OR52I2: variants seen among roughly 807,000 people sequenced by gnomAD.
The protein encoded by OR52I2 is olfactory receptor 52I2.
For synonymous variants in OR52I2, 147 were observed against 151.9 expected, an observed-to-expected ratio of 0.97 and a Z score of 0.24; for missense variants, 350 against 402.4, an observed-to-expected ratio of 0.87 and a Z score of 1.11.
At chr11:4,589,869 T>C (rs1714809260) in exon 2 of OR52I2, 1 of 152,222 alleles carries the variant, frequency 6.6e-6, no homozygotes, top group Admixed American at 6.5e-5. Flanking sequence ...TTGAATTATG[T>C]ATTCCTCACT....
exon 2 of OR52I2, chr11:4,592,660 C>A (rs1009141848): frequency 2.0e-5 from 3 of 152,124 alleles, no homozygotes; most frequent in Non-Finnish European, 2.9e-5. Context: ...GAGAGAGTAA[C>A]TAAACAGCTA....
In OR52I2 at chr11:4,590,683, G is replaced by A. The variant is rs376306020; in HGVS notation, c.*2818G>A. ...GGCTGTTTGGATTCTCAAGCTTTATGCAGCCCTTTATGCAATAATGCACAA... is the reference window on the plus strand; with the variant it reads ...GGCTGTTTGGATTCTCAAGCTTTATACAGCCCTTTATGCAATAATGCACAA... On this transcript the variant is annotated 3_prime_UTR_variant, in exon 2 of 2. Transcript: ENST00000641896. 4 of 152,282 alleles carry A rather than the reference G, an allele frequency of 2.6e-5. 1 individual carries two copies. The highest frequency in any genetic ancestry group is 9.6e-5 in the African/African-American group (4 of 41,566). The allele number at this position is 152,282 out of a possible 1,614,324, so 9.4% of individuals were successfully genotyped here.
At chr11:4,591,392 T>C (rs1010477580) in exon 2 of OR52I2, 1 of 152,076 alleles carries the variant, frequency 6.6e-6, no homozygotes, top group Non-Finnish European at 1.5e-5. Flanking sequence ...GCTTGGCAAA[T>C]GAGCACCTTT....
exon 2 of OR52I2, chr11:4,592,335 T>G (rs1034952858): frequency 4.6e-5 from 7 of 152,036 alleles, no homozygotes; most frequent in African/African-American, 1.7e-4. Context: ...AGCGATAGAG[T>G]AGGGTTTTCA....
chr11:4,590,312 G>A (rs1846341388), exon 2 of OR52I2: 1 of 152,176 alleles, frequency 6.6e-6, no homozygotes, highest in Admixed American at 6.5e-5. Flanking sequence ...AAGAGTTACT[G>A]GACTGGCAAC....
chr11:4,584,987 C>T (rs1431560871), intron 1 of OR52I2, among the ~76,000 whole-genome samples: 1 of 152,204 alleles, frequency 6.6e-6, no homozygotes, highest in Non-Finnish European at 1.5e-5. Flanking sequence ...AAGCACCATG[C>T]ATCATGCTAA....
At chr11:4,586,760 G>T in intron 1 of OR52I2, 112 bp from the exon 2 acceptor site, 2 of 1,490,494 alleles carry the variant, frequency 1.3e-6, no homozygotes, top group South Asian at 1.2e-5. Context: ...CCACATTTTT[G>T]ATCCTGAGAT....
chr11:4,587,059 T>C (rs763065318), exon 2 of OR52I2: 1 of 1,614,154 alleles, frequency 6.2e-7, no homozygotes, highest in Non-Finnish European at 8.5e-7. Context: ...CTGGATGGAT[T>C]CCACTCGGCA....
exon 2 of OR52I2, chr11:4,592,205 C>T (rs988373103): frequency 6.6e-6 from 1 of 152,176 alleles, no homozygotes; most frequent in African/African-American, 2.4e-5. Context: ...ACACTAAGCA[C>T]TTTTACATAG....
chr11:4,584,820 C>G (rs1297930597), intron 1 of OR52I2, among the ~76,000 whole-genome samples: 1 of 152,154 alleles, frequency 6.6e-6, no homozygotes, highest in Non-Finnish European at 1.5e-5. Flanking sequence ...AGGAGAAAAG[C>G]TCAGGCAATG....
chr11:4,589,669 G>C (rs1846336289), exon 2 of OR52I2: 1 of 152,114 alleles, frequency 6.6e-6, no homozygotes, highest in South Asian at 2.1e-4. Context: ...TATGATATTG[G>C]CATGGTGGAG....
exon 2 of OR52I2, chr11:4,587,253 C>A: frequency 6.2e-7 from 1 of 1,614,034 alleles, no homozygotes; most frequent in Non-Finnish European, 8.5e-7. Context: ...TGCTGCTGAC[C>A]ATGGCTTTTG....
chr11:4,590,471 G>A (rs1395306580), exon 2 of OR52I2: 4 of 152,274 alleles, frequency 2.6e-5, no homozygotes, highest in South Asian at 2.1e-4. Context: ...CTCCAGCAAC[G>A]CTAATTGAGA....
intron 1 of OR52I2, among the ~76,000 whole-genome samples, chr11:4,584,546 A>G (rs934889859): frequency 3.3e-5 from 5 of 152,184 alleles, no homozygotes; most frequent in Non-Finnish European, 7.3e-5. Flanking sequence ...GTTTGGCAAG[A>G]GTTGTTATAT....
exon 2 of OR52I2, chr11:4,587,192 G>A (rs1017678692): frequency 1.2e-6 from 2 of 1,614,046 alleles, no homozygotes; most frequent in African/African-American, 2.7e-5. Flanking sequence ...TTTAGTGCTT[G>A]TTTCACTCAG....
At chr11:4,587,042 C>A in exon 2 of OR52I2, 2 of 1,614,164 alleles carry the variant, frequency 1.2e-6, no homozygotes, top group Non-Finnish European at 1.7e-6. Context: ...ATCATCGTGA[C>A]TGCAATCTGG....
At chr11:4,586,617 T>C (rs1177682012) in intron 1 of OR52I2, among the ~76,000 whole-genome samples, 2 of 151,990 alleles carry the variant, frequency 1.3e-5, no homozygotes, top group African/African-American at 4.8e-5. Context: ...GGGTATGGAA[T>C]GGGGAAGGAA....
exon 2 of OR52I2, chr11:4,593,011 A>C (rs1347905175): frequency 6.6e-6 from 1 of 152,224 alleles, no homozygotes; most frequent in Non-Finnish European, 1.5e-5. Flanking sequence ...AGAATATTTA[A>C]TCTAAGTTAT....
chr11:4,582,980 G>A (rs935843695), intron 1 of OR52I2, among the ~76,000 whole-genome samples: 13 of 152,086 alleles, frequency 8.5e-5, no homozygotes, highest in Admixed American at 2.0e-4. Context: ...TTTGAGATTT[G>A]TGCATTTTCC....
Sources: allele counts gnomAD v4.1 joint callset (sites outside exome capture counted in the v4.1 genomes callset), GRCh38; gene constraint gnomAD v4.1.1; transcripts MANE v1.5; gene names NCBI Gene and HGNC (gene_info 2026-07-23, HGNC 2026-07-21).